OTUD7A: variants seen among roughly 807,000 people sequenced by gnomAD.
OTUD7A encodes the protein OTU deubiquitinase 7A.
Under a neutral mutation model 65.7 loss-of-function variants are expected in OTUD7A, and 12 were observed. The observed-to-expected ratio is 0.18, with a 90% confidence interval of 0.12 to 0.30. The LOEUF is 0.30. Ranked by LOEUF, OTUD7A falls within the 10% of genes least tolerant of loss-of-function variation. OTUD7A has a pLI of 1.00. For missense variants in OTUD7A, 1,148 were observed against 1,304.8 expected (o/e 0.88, Z 1.85); for synonymous variants, 641 against 586.3 (o/e 1.09, Z -1.35).
intron 1 of OTUD7A, chr15:31,767,827 C>A: frequency 1.1e-6 from 1 of 874,914 alleles, no homozygotes; most frequent in Non-Finnish European, 1.9e-6. Context: ...TGGAAAAGTT[C>A]TCTATGCTGT....
intron 1 of OTUD7A, among the ~76,000 whole-genome samples, chr15:31,783,243 C>A (rs1567020776): frequency 6.6e-6 from 1 of 152,212 alleles, no homozygotes. Context: ...CAGAGCTTAA[C>A]ACCAATACTT....
At chr15:31,688,633 G>C (rs1892896058) in intron 1 of OTUD7A, among the ~76,000 whole-genome samples, 1 of 152,172 alleles carries the variant, frequency 6.6e-6, no homozygotes, top group Non-Finnish European at 1.5e-5. Context: ...TTTCACAGTG[G>C]TAATAGTGCT....
At chr15:31,797,985 G>T (rs750373850) in intron 1 of OTUD7A, among the ~76,000 whole-genome samples, 1 of 152,160 alleles carries the variant, frequency 6.6e-6, no homozygotes, top group African/African-American at 2.4e-5. Flanking sequence ...CTTCTTGGTT[G>T]GGAGACACCC....
intron 4 of OTUD7A, among the ~76,000 whole-genome samples, chr15:31,567,439 G>A (rs982385828): frequency 1.3e-5 from 2 of 152,176 alleles, no homozygotes; most frequent in Non-Finnish European, 2.9e-5. Flanking sequence ...ATAGGAGTTG[G>A]AACTTATATT....
chr15:31,657,624 G>C (rs963750230), intron 1 of OTUD7A, among the ~76,000 whole-genome samples: 18 of 151,986 alleles, frequency 1.2e-4, no homozygotes, highest in Non-Finnish European at 2.9e-5. Context: ...GCCTCCCAGA[G>C]TGCTGGGATT....
At chr15:31,628,707 G>C (rs1891043750) in intron 3 of OTUD7A, among the ~76,000 whole-genome samples, 1 of 152,052 alleles carries the variant, frequency 6.6e-6, no homozygotes, top group Non-Finnish European at 1.5e-5. Flanking sequence ...TCACGATATT[G>C]ATTCTTCCTA....
intron 3 of OTUD7A, among the ~76,000 whole-genome samples, chr15:31,593,589 C>CA (rs1399702965): frequency 6.6e-6 from 1 of 152,094 alleles, no homozygotes; most frequent in African/African-American, 2.4e-5. Context: ...TGAATGGGTC[C>CA]ACCAGCCTAG....
chr15:31,555,844 C>CTTTTTCTTTTTCT (rs1888472672), intron 5 of OTUD7A, among the ~76,000 whole-genome samples: 1 of 90,464 alleles, frequency 1.1e-5, no homozygotes, highest in Admixed American at 1.1e-4. Flanking sequence ...TACCTCTGTT[C>CTTTTTCTTTTTCT]TTTTTCTTTT....
chr15:31,688,911 C>T (rs1360856503), intron 1 of OTUD7A, among the ~76,000 whole-genome samples: 4 of 151,928 alleles, frequency 2.6e-5, no homozygotes, highest in Admixed American at 2.6e-4. Flanking sequence ...AAATTTTGTT[C>T]CAAGAGTCAT....
At chr15:31,720,692 A>G (rs1438044568) in intron 1 of OTUD7A, among the ~76,000 whole-genome samples, 4 of 152,142 alleles carry the variant, frequency 2.6e-5, no homozygotes, top group African/African-American at 9.6e-5. Context: ...GAGCCACCGC[A>G]CCTGGACAGT....
chr15:31,555,732 C>G (rs1412209899), intron 5 of OTUD7A, among the ~76,000 whole-genome samples: 2 of 152,080 alleles, frequency 1.3e-5, no homozygotes, highest in Non-Finnish European at 2.9e-5. Flanking sequence ...GAAAGGAGTT[C>G]GGAGGAGTCA....
chr15:31,669,928 G>A (rs28819163), intron 1 of OTUD7A, among the ~76,000 whole-genome samples: 1 of 139,622 alleles, frequency 7.2e-6, no homozygotes, highest in Non-Finnish European at 1.5e-5. Context: ...TTCTCCATTG[G>A]GGGTGTGTGT....
chr15:31,658,092 C>T (rs1485379465), intron 1 of OTUD7A, among the ~76,000 whole-genome samples: 2 of 152,154 alleles, frequency 1.3e-5, no homozygotes, highest in East Asian at 3.9e-4. Context: ...ATGGTTCCAC[C>T]ACTTTGTGTG....
chr15:31,845,774 C>T (rs990435986), intron 1 of OTUD7A, among the ~76,000 whole-genome samples: 1 of 152,250 alleles, frequency 6.6e-6, no homozygotes, highest in African/African-American at 2.4e-5. Flanking sequence ...CTGGCCTAAG[C>T]ACTTGCCAGG....
chr15:31,524,217 G>A (rs1381550906), intron 8 of OTUD7A, among the ~76,000 whole-genome samples: 3 of 151,956 alleles, frequency 2.0e-5, no homozygotes, highest in African/African-American at 7.3e-5. Context: ...TGCATCACTG[G>A]CACAGGATTC....
chr15:31,596,081 T>C (rs1032319417), intron 3 of OTUD7A, among the ~76,000 whole-genome samples: 4 of 152,128 alleles, frequency 2.6e-5, no homozygotes, highest in Non-Finnish European at 5.9e-5. Flanking sequence ...GTCACCTGAT[T>C]AGCGACCTGA....
At chr15:31,788,113 T>A (rs1895720820) in intron 1 of OTUD7A, among the ~76,000 whole-genome samples, 1 of 152,210 alleles carries the variant, frequency 6.6e-6, no homozygotes, top group South Asian at 2.1e-4. Flanking sequence ...CATTTCTAGG[T>A]AAATTATATT....
intron 8 of OTUD7A, among the ~76,000 whole-genome samples, chr15:31,514,582 T>C (rs1003597736): frequency 6.6e-6 from 1 of 152,262 alleles, no homozygotes; most frequent in African/African-American, 2.4e-5. Flanking sequence ...TTTCTTCACT[T>C]ACTTTCAGAA....
intron 1 of OTUD7A, among the ~76,000 whole-genome samples, chr15:31,788,644 G>A (rs761925564): frequency 2.4e-4 from 36 of 152,170 alleles, no homozygotes; most frequent in Non-Finnish European, 4.4e-4. Context: ...GCCCCAGAGT[G>A]GGTAGGGTAC....
Sources: gnomAD v4.1 joint callset for allele counts (sites outside exome capture counted in the v4.1 genomes callset) on GRCh38, gnomAD v4.1.1 for gene constraint, MANE v1.5 for transcripts, NCBI Gene and HGNC (gene_info 2026-07-23, HGNC 2026-07-21) for gene names.